The following TM6SF1 variants were observed in gnomAD, a reference collection of about 807,000 sequenced individuals.
TM6SF1 encodes the protein transmembrane 6 superfamily member 1.
In TM6SF1, 43 loss-of-function variants were observed where a neutral mutation model predicts 47.1. The observed-to-expected ratio is 0.91, with a 90% confidence interval of 0.72 to 1.18. The LOEUF is 1.18. Ranked by LOEUF, TM6SF1 falls within the 50% of genes most tolerant of loss-of-function variation. TM6SF1 has a pLI of 0.00. For synonymous variants in TM6SF1, 177 were observed against 166.3 expected (o/e 1.06, Z -0.49); for missense variants, 390 against 449.0 (o/e 0.87, Z 1.19).
chr15:83,118,834 C>A (rs1451713239), intron 3 of TM6SF1, among the ~76,000 whole-genome samples: 2 of 152,150 alleles, frequency 1.3e-5, no homozygotes, highest in East Asian at 3.9e-4. Context: ...TAGAAGCCAC[C>A]TGGAAATGTA....
chr15:83,112,657 A>C, intron 1 of TM6SF1, 140 bp from the exon 2 acceptor site: 1 of 671,366 alleles, frequency 1.5e-6, no homozygotes, highest in Non-Finnish European at 2.7e-6. Context: ...CTAACTCTAC[A>C]GTGCTGGGAG....
At chr15:83,111,615 G>C (rs531270700) in intron 1 of TM6SF1, 27 of 985,284 alleles carry the variant, frequency 2.7e-5, no homozygotes, top group Non-Finnish European at 3.1e-5. Context: ...ATGTTGGGCT[G>C]TGGTGGTGTG....
At chr15:83,127,281 T>C in intron 8 of TM6SF1, 77 bp from the exon 9 acceptor site, 2 of 1,421,156 alleles carry the variant, frequency 1.4e-6, no homozygotes, top group Non-Finnish European at 1.9e-6. Context: ...GATGAAAATG[T>C]TTACTTTTTT....
Position 83,136,786 on chromosome 15 carries a change from T to C in TM6SF1, c.*114T>C, listed in dbSNP as rs1859858624. 1.1e-6 allele frequency: 1 copy of C among 910,740 alleles called. No homozygotes were observed. Among genetic ancestry groups the C allele is most frequent in the Non-Finnish European group, 1.7e-6 (1 of 605,792 alleles). 56.4% of individuals were successfully genotyped at this position (910,740 alleles called of 1,614,324 possible). ...CGTGAGTACTTAAGAATATGTACAT[T>C]CTTGCTCTGCACTGTATGTGTGAGC... On this transcript the variant is annotated 3_prime_UTR_variant, in exon 10 of 10. Coordinates refer to ENST00000322019, the MANE Select transcript of TM6SF1 (RefSeq NM_023003.5).
chr15:83,123,652 A>G (rs1167825185), intron 6 of TM6SF1, among the ~76,000 whole-genome samples: 1 of 152,222 alleles, frequency 6.6e-6, no homozygotes, highest in African/African-American at 2.4e-5. Flanking sequence ...GACACCTTCT[A>G]TGTAAACTCA....
chr15:83,110,751 C>T (rs1192955792), intron 1 of TM6SF1, among the ~76,000 whole-genome samples: 1 of 152,220 alleles, frequency 6.6e-6, no homozygotes, highest in East Asian at 1.9e-4. Flanking sequence ...TTCTTCAGCT[C>T]ATCCCCACAG....
rs536975177 is a variant in TM6SF1 at position 83,122,395 on chromosome 15, GTAGA to G, written c.482-343_482-340del. Among the ~76,000 whole-genome samples, 434 of 151,972 alleles carry G rather than the reference GTAGA, an allele frequency of 2.9e-3. 2 individuals carry two copies. The highest frequency in any genetic ancestry group is 0.014 in the Middle Eastern group (4 of 292). On this transcript the variant is annotated intron_variant, in intron 5 of 9. Transcript: ENST00000322019. ...GTATGCAGGAAATCAGGATATATAG[GTAGA>G]TAGATAGATAGATAGATATAGATAT...
At chr15:83,110,890 A>G (rs2034084768) in intron 1 of TM6SF1, among the ~76,000 whole-genome samples, 1 of 152,210 alleles carries the variant, frequency 6.6e-6, no homozygotes, top group Admixed American at 6.5e-5. Context: ...TTATTTTTTG[A>G]GACGGACTCT....
Position 83,124,726 on chromosome 15 carries a change from T to C in TM6SF1, c.658T>C (p.Leu220=). ...GCTGAGAAGACCATTTGATTTAATG[T>C]TGGTTGTGTGTCTCCTCCTGGCAAC... The part of the protein sequence containing the change: ...DLLRRPFDLM[L]VVCLLLATGF... The change falls in exon 7 of 10, where the codon TTG becomes CTG. Residue 220 remains leucine, a synonymous_variant. Transcript: ENST00000322019. The C allele has an allele frequency of 6.2e-7, 1 of 1,614,172 alleles. No individual in the cohort carries two copies. The highest frequency in any genetic ancestry group is 1.7e-5 in the Admixed American group (1 of 60,020).
intron 6 of TM6SF1, among the ~76,000 whole-genome samples, chr15:83,123,817 A>G (rs1231798581): frequency 6.6e-6 from 1 of 152,260 alleles, no homozygotes; most frequent in Non-Finnish European, 1.5e-5. Context: ...GCCATGAGGC[A>G]TGCAGAATTA....
chr15:83,115,046 G>A (rs1420813105), intron 2 of TM6SF1: 1 of 152,826 alleles, frequency 6.5e-6, no homozygotes. Flanking sequence ...ATGTGGAATA[G>A]GGTAACCACA....
chr15:83,116,178 C>T (rs1018906951), intron 3 of TM6SF1, among the ~76,000 whole-genome samples: 4 of 152,190 alleles, frequency 2.6e-5, no homozygotes, highest in African/African-American at 9.7e-5. Context: ...CACTCATGAC[C>T]GCACACATGA....
At chr15:83,131,157 C>CT (rs2036215642) in intron 9 of TM6SF1, 1 of 152,092 alleles carries the variant, frequency 6.6e-6, no homozygotes, top group African/African-American at 2.4e-5. Context: ...TAATCAGCAT[C>CT]TTTGCTTGCT....
chr15:83,120,333 G>A (rs2035103550), intron 4 of TM6SF1, among the ~76,000 whole-genome samples: 1 of 152,202 alleles, frequency 6.6e-6, no homozygotes, highest in Admixed American at 6.5e-5. Context: ...TGAACGACGT[G>A]CTCTTGGGCT....
At position 83,122,804 on chromosome 15, in the gene TM6SF1, T is replaced by C; in HGVS notation, c.529T>C (p.Tyr177His). 6.2e-7 allele frequency: 1 copy of C among 1,614,086 alleles called. No individual in the cohort carries two copies. The highest frequency in any genetic ancestry group is 2.2e-5 in the East Asian group (1 of 44,878). The change falls in exon 6 of 10, where the codon TAT becomes CAT. Residue 177 changes from tyrosine to histidine, a missense_variant. Transcript: ENST00000322019. The stretch of plus-strand genomic sequence containing the variant: ...CCCTGCTTTTTTCTTAAGCATACCA[T>C]ATACTTGTCTTCCTGTCTGGGCTGG... ...ICPAFFLSIP[Y>H]TCLPVWAGFR...
At chr15:83,129,139 T>TA (rs1386533175) in intron 9 of TM6SF1, 1 of 152,168 alleles carries the variant, frequency 6.6e-6, no homozygotes, top group Non-Finnish European at 1.5e-5. Flanking sequence ...CAGGTCCAGT[T>TA]AGTTTTACTC....
chr15:83,128,941 C>T (rs1228492201), intron 9 of TM6SF1: 2 of 152,326 alleles, frequency 1.3e-5, no homozygotes, highest in Non-Finnish European at 2.9e-5. Context: ...AGCAATCCTC[C>T]TGCCTCTGTC....
chr15:83,113,626 A>G (rs1420732071), intron 2 of TM6SF1: 1 of 152,484 alleles, frequency 6.6e-6, no homozygotes, highest in Non-Finnish European at 1.5e-5. Context: ...CTACAGCAAC[A>G]AACATTTATT....
chr15:83,113,796 G>A (rs1176448839), intron 2 of TM6SF1: 6 of 152,306 alleles, frequency 3.9e-5, no homozygotes, highest in Non-Finnish European at 7.3e-5. Context: ...GAAGAAAGTG[G>A]TGGCTCTTAA....
Sources: allele counts gnomAD v4.1 joint callset (sites outside exome capture counted in the v4.1 genomes callset), GRCh38; gene constraint gnomAD v4.1.1; transcripts MANE v1.5; gene names NCBI Gene and HGNC (gene_info 2026-07-23, HGNC 2026-07-21).